SLCO6A1: variants seen among roughly 807,000 people sequenced by gnomAD.
SLCO6A1 encodes solute carrier organic anion transporter family member 6A1.
Under a neutral mutation model 72.7 loss-of-function variants are expected in SLCO6A1, and 65 were observed. That is an observed-to-expected ratio of 0.89 (90% CI 0.73 to 1.10). The LOEUF is 1.10. SLCO6A1 is among the 50% of genes least tolerant of loss of function. The pLI is 0.00. For missense variants in SLCO6A1, 874 were observed against 872.6 expected (o/e 1.00, Z -0.02); for synonymous variants, 314 against 298.2 (o/e 1.05, Z -0.55).
intron 9 of SLCO6A1, 99 bp downstream of exon 9, chr5:102,412,891 G>T: frequency 2.1e-6 from 1 of 484,786 alleles, no homozygotes; most frequent in South Asian, 1.0e-4. Flanking sequence ...TCTACAAGTT[G>T]AACATTTCAC....
chr5:102,468,997 C>G (rs1212373228), intron 4 of SLCO6A1, among the ~76,000 whole-genome samples: 3 of 152,136 alleles, frequency 2.0e-5, no homozygotes, highest in Admixed American at 2.0e-4. Context: ...TCTGAGGCCT[C>G]TGTTCTGTTC....
In SLCO6A1 at chr5:102,399,713, T is replaced by C. The variant is rs1433406685; in HGVS notation, c.1656A>G (p.Glu552=). The change falls in exon 10 of 14, where the codon GAA becomes GAG. Residue 552 remains glutamate, a synonymous_variant. Coordinates refer to ENST00000506729, the MANE Select transcript of SLCO6A1 (RefSeq NM_173488.5). ...CTTCTGCATCTGCAGTTATTAATCC[T>C]TCTTTAATGCAAGAACAATTGTAGT... ...KMYYNCSCIK[E]GLITADAEGD... is the part of the protein sequence containing the mutation. 4 of 1,580,342 alleles carry C rather than the reference T, an allele frequency of 2.5e-6. No individual in the cohort carries two copies. Among genetic ancestry groups the C allele is most frequent in the Non-Finnish European group, 3.4e-6 (4 of 1,159,698 alleles).
chr5:102,481,153 C>T (rs2112832900), intron 1 of SLCO6A1, among the ~76,000 whole-genome samples: 1 of 152,268 alleles, frequency 6.6e-6, no homozygotes, highest in Non-Finnish European at 1.5e-5. Flanking sequence ...TTCATGATAT[C>T]TATGCAACCA....
At chr5:102,405,335 G>A (rs1190109460) in intron 9 of SLCO6A1, among the ~76,000 whole-genome samples, 3 of 151,632 alleles carry the variant, frequency 2.0e-5, no homozygotes, top group African/African-American at 7.3e-5. Flanking sequence ...AAGAAGTTCA[G>A]TGAATTCCAA....
At chr5:102,453,233 C>T (rs1458174163) in intron 6 of SLCO6A1, among the ~76,000 whole-genome samples, 1 of 151,804 alleles carries the variant, frequency 6.6e-6, no homozygotes, top group Non-Finnish European at 1.5e-5. Flanking sequence ...GTGATGTGCA[C>T]CTACGGTCCC....
chr5:102,451,105 T>C (rs1248025005), intron 6 of SLCO6A1, among the ~76,000 whole-genome samples: 1 of 152,154 alleles, frequency 6.6e-6, no homozygotes, highest in Non-Finnish European at 1.5e-5. Context: ...GGATTCCATG[T>C]GGAAAACAAT....
At position 102,378,186 on chromosome 5, in the gene SLCO6A1, T is replaced by C. The variant is rs532548381; in HGVS notation, c.2018-4692A>G. ...TTAAATTATACTTTAAGTTTTAGGGTACATAAGAAAATGTGGCACATATAC... is the reference window on the plus strand; with the variant it reads ...TTAAATTATACTTTAAGTTTTAGGGCACATAAGAAAATGTGGCACATATAC... On this transcript the variant is annotated intron_variant, in intron 12 of 13. Transcript: ENST00000506729. 1.2e-4 allele frequency among the ~76,000 whole-genome samples: 19 copies of C among 152,150 alleles called. 1 individual carries two copies. In the South Asian group the frequency reaches 3.9e-3, roughly 32 times the overall value.
At chr5:102,423,724 A>C (rs1432031946) in intron 7 of SLCO6A1, among the ~76,000 whole-genome samples, 1 of 152,198 alleles carries the variant, frequency 6.6e-6, no homozygotes, top group Admixed American at 6.5e-5. Flanking sequence ...CGAGATAGAA[A>C]ATTAACAAGG....
At position 102,480,315 on chromosome 5, in the gene SLCO6A1, T is replaced by C. The variant is rs1261014267; in HGVS notation, c.478A>G (p.Ile160Val). Residue 160 changes from isoleucine (I) to valine (V), a missense_variant, in exon 2 of 14, where the codon ATA (isoleucine) becomes GTA (valine). By Grantham distance (29) the Ile-to-Val change is conservative (BLOSUM62 3). Coordinates refer to ENST00000506729, the MANE Select transcript of SLCO6A1 (RefSeq NM_173488.5). The stretch of plus-strand genomic sequence containing the variant: ...CTGTCTCCATAGAATGCTATAAATA[T>C]TGCTACCAGGCCAGATGAAATATCG... ...SYDISSGLVA[I>V]FIAFYGDRKK... The C allele has an allele frequency of 2.5e-6, 4 of 1,613,504 alleles. No homozygotes were observed. The highest frequency in any genetic ancestry group is 3.4e-6 in the Non-Finnish European group (4 of 1,179,768).
intron 12 of SLCO6A1, among the ~76,000 whole-genome samples, chr5:102,379,753 TTTAG>T (rs1428934351): frequency 2.1e-5 from 3 of 144,654 alleles, no homozygotes; most frequent in Middle Eastern, 3.7e-3. Flanking sequence ...CCATATGAAT[TTTAG>T]TTATTTTGTC....
Position 102,498,762 on chromosome 5 carries a change from TG to T in SLCO6A1, c.82del (p.Gln28SerfsTer24). 6.2e-7 allele frequency: 1 copy of T among 1,614,180 alleles called. No individual in the cohort carries two copies. The highest frequency in any genetic ancestry group is 8.5e-7 in the Non-Finnish European group (1 of 1,180,028). ...GVEPLEAARAQPAKDRRAKGT... is the reference protein window; with the variant it reads ...GVEPLEAARAXPAKDRRAKGT... The stretch of plus-strand genomic sequence containing the variant: ...CTTGGCCCTCCTGTCCTTAGCAGGC[TG>T]GGCCCGCGCGGCCTCCAGCGGCTCT... On this transcript the variant is annotated frameshift_variant, in exon 1 of 14. Coordinates refer to ENST00000506729, the MANE Select transcript of SLCO6A1 (RefSeq NM_173488.5). LOFTEE classifies it high-confidence loss of function.
Position 102,429,618 on chromosome 5 carries a change from G to A in SLCO6A1, c.1276+8999C>T, listed in dbSNP as rs547731688. On this transcript the variant is annotated intron_variant, in intron 7 of 13. Transcript: ENST00000506729. ...TGTTGAAGATCAGATGGTTGTAGGT[G>A]TGTGGCCTTACTTCTGGGCTGTCTA... is the stretch of plus-strand genomic sequence containing the variant. 6.1e-4 allele frequency among the ~76,000 whole-genome samples: 92 copies of A among 151,962 alleles called. 2 individuals carry two copies. Among genetic ancestry groups the A allele is most frequent in the Admixed American group, 6.0e-3 (92 of 15,252 alleles).
In SLCO6A1 at chr5:102,388,769, G is replaced by C; in HGVS notation, c.1936C>G (p.Arg646Gly). ...GTGTGTCCACATTTATTAACATCCC[G>C]TAAAATACAAGAAGTTTCTCCTGAC... Reference protein sequence around the residue: ...KMSGETSCILRDVNKCGHTGR... With the variant: ...KMSGETSCILGDVNKCGHTGR... Residue 646 changes from arginine (R) to glycine (G), a missense_variant, in exon 12 of 14, where the codon CGG (arginine) becomes GGG (glycine). By Grantham distance (125) the Arg-to-Gly change is moderately radical (BLOSUM62 -2). Transcript: ENST00000506729. 5 of 1,607,582 alleles carry C rather than the reference G, an allele frequency of 3.1e-6. No homozygotes were observed. Among genetic ancestry groups the C allele is most frequent in the Non-Finnish European group, 4.2e-6 (5 of 1,177,840 alleles).
chr5:102,438,801 G>T, intron 6 of SLCO6A1, 40 bp from the exon 7 acceptor site: 1 of 1,380,034 alleles, frequency 7.2e-7, no homozygotes, highest in Non-Finnish European at 9.6e-7. Context: ...ATTTTATTTT[G>T]TTAGATAAAG....
At chr5:102,482,153 T>C (rs1046726073) in intron 1 of SLCO6A1, among the ~76,000 whole-genome samples, 3 of 152,194 alleles carry the variant, frequency 2.0e-5, no homozygotes, top group African/African-American at 7.2e-5. Context: ...CCCCTTCCGA[T>C]TGAGGCATAT....
intron 1 of SLCO6A1, among the ~76,000 whole-genome samples, chr5:102,485,287 A>AATAT: frequency 8.1e-6 from 1 of 123,150 alleles, no homozygotes; most frequent in East Asian, 2.0e-4. Context: ...TAAATAAATA[A>AATAT]ATAAATAAAA....
intron 12 of SLCO6A1, among the ~76,000 whole-genome samples, chr5:102,380,701 G>A (rs933326037): frequency 2.0e-5 from 3 of 151,996 alleles, no homozygotes; most frequent in African/African-American, 4.8e-5. Flanking sequence ...CATTAAAGAT[G>A]TAAAATTTGC....
chr5:102,482,074 G>T (rs1752224328), intron 1 of SLCO6A1, among the ~76,000 whole-genome samples: 1 of 152,102 alleles, frequency 6.6e-6, no homozygotes, highest in African/African-American at 2.4e-5. Context: ...GGCCAAGGAG[G>T]ATAATGGCCA....
chr5:102,434,710 C>T (rs1749409033), intron 7 of SLCO6A1, among the ~76,000 whole-genome samples: 1 of 152,164 alleles, frequency 6.6e-6, no homozygotes, highest in South Asian at 2.1e-4. Flanking sequence ...AAGACAGCTC[C>T]ATAGAAAGTA....
Sources: gnomAD v4.1 joint callset for allele counts (sites outside exome capture counted in the v4.1 genomes callset) on GRCh38, gnomAD v4.1.1 for gene constraint, MANE v1.5 for transcripts, NCBI Gene and HGNC (gene_info 2026-07-23, HGNC 2026-07-21) for gene names.